WASF1: variants seen among roughly 807,000 people sequenced by gnomAD.
WASF1 encodes the protein WASP family member 1.
In WASF1, 7 loss-of-function variants were observed where a neutral mutation model predicts 50.5. That is an observed-to-expected ratio of 0.14 (90% CI 0.08 to 0.26). WASF1 has a LOEUF of 0.26. Ranked by LOEUF, WASF1 falls within the 10% of genes least tolerant of loss-of-function variation. The pLI, the probability that WASF1 is intolerant of heterozygous loss-of-function variation, is 1.00. For missense variants in WASF1, 470 were observed against 694.7 expected (o/e 0.68, Z 3.64); for synonymous variants, 205 against 244.0 (o/e 0.84, Z 1.49).
chr6:110,112,908 A>C (rs1005511272), intron 5 of WASF1, among the ~76,000 whole-genome samples: 2 of 129,140 alleles, frequency 1.5e-5, no homozygotes, highest in African/African-American at 3.4e-5. Context: ...AAAAAAAAAA[A>C]ACAAAAAAAA....
Position 110,144,540 on chromosome 6 carries a change from T to C in WASF1, c.-29+16095A>G, listed in dbSNP as rs999495217. 3.3e-5 allele frequency among the ~76,000 whole-genome samples: 5 copies of C among 152,252 alleles called. No individual in the cohort carries two copies. The East Asian group carries it at 5.8e-4, about 18-fold the overall frequency. Reference sequence around the variant, plus strand: ...GTTTTAGACATGAAGTCCTTGCCCATGCCTATGTCCTGAATGGATATGCCT... The same window carrying C: ...GTTTTAGACATGAAGTCCTTGCCCACGCCTATGTCCTGAATGGATATGCCT... On this transcript the variant is annotated intron_variant, in intron 3 of 10. Transcript: ENST00000392589.
rs765123920 is a variant in WASF1 at position 110,127,625 on chromosome 6, T to A, written c.-24A>T. The A allele has an allele frequency of 6.7e-7, 1 of 1,502,402 alleles. No individual in the cohort carries two copies. Among genetic ancestry groups the A allele is most frequent in the Non-Finnish European group, 8.9e-7 (1 of 1,126,634 alleles). 93.1% of individuals were successfully genotyped at this position (1,502,402 alleles called of 1,614,324 possible). ...ATCTTGAGATTAACCTTTGTGCCAG[T>A]TCACCTGTAGGAAATCAAAAATAAA... On this transcript the variant is annotated 5_prime_UTR_variant, in exon 4 of 11. Transcript: ENST00000392589.
At chr6:110,130,314 G>A (rs192324267) in intron 3 of WASF1, among the ~76,000 whole-genome samples, 38 of 152,130 alleles carry the variant, frequency 2.5e-4, no homozygotes, top group Non-Finnish European at 4.4e-4. Context: ...GCCAGAACCC[G>A]TCCACTTTGG....
intron 3 of WASF1, among the ~76,000 whole-genome samples, chr6:110,141,771 TC>T (rs1489487500): frequency 6.6e-6 from 1 of 151,154 alleles, no homozygotes; most frequent in Non-Finnish European, 1.5e-5. Context: ...CATACACTTA[TC>T]TTTTTTTTTT....
intron 2 of WASF1, among the ~76,000 whole-genome samples, chr6:110,169,487 G>A (rs969173151): frequency 2.6e-5 from 4 of 152,084 alleles, no homozygotes; most frequent in Admixed American, 6.6e-5. Context: ...TATGCAAATT[G>A]CTGGTAAAAC....
chr6:110,179,321 C>G (rs1463094876), intron 1 of WASF1, 118 bp downstream of exon 1: 2 of 152,310 alleles, frequency 1.3e-5, no homozygotes, highest in Non-Finnish European at 2.9e-5. Flanking sequence ...GCGCGCCCAT[C>G]CATCCCCGTC....
chr6:110,151,576 C>T (rs1397729249), intron 3 of WASF1, among the ~76,000 whole-genome samples: 2 of 152,158 alleles, frequency 1.3e-5, no homozygotes, highest in Non-Finnish European at 2.9e-5. Context: ...CACTTACATT[C>T]ATTCATCTCT....
chr6:110,121,267 A>C (rs1774106726), intron 4 of WASF1, among the ~76,000 whole-genome samples: 1 of 152,240 alleles, frequency 6.6e-6, no homozygotes, highest in African/African-American at 2.4e-5. Flanking sequence ...GAATGGGAGA[A>C]AATCCTTGCA....
Position 110,100,483 on chromosome 6 carries a change from T to C in WASF1, c.*39A>G, listed in dbSNP as rs1333747763. Reference sequence around the variant, plus strand: ...CAAGGAACAAGCACCACAAAGGACATTTGCATTCAGTTTTGTAATATTTAT... The same window carrying C: ...CAAGGAACAAGCACCACAAAGGACACTTGCATTCAGTTTTGTAATATTTAT... On this transcript the variant is annotated 3_prime_UTR_variant, in exon 11 of 11. Coordinates refer to ENST00000392589, the MANE Select transcript of WASF1 (RefSeq NM_003931.3). 6.4e-7 allele frequency: 1 copy of C among 1,563,538 alleles called. No individual in the cohort carries two copies. Among genetic ancestry groups the C allele is most frequent in the South Asian group, 1.2e-5 (1 of 85,470 alleles).
At chr6:110,150,377 G>A (rs923976941) in intron 3 of WASF1, among the ~76,000 whole-genome samples, 1 of 152,150 alleles carries the variant, frequency 6.6e-6, no homozygotes, top group African/African-American at 2.4e-5. Flanking sequence ...AGCTAAAGAG[G>A]TTAAAGGAAG....
intron 3 of WASF1, among the ~76,000 whole-genome samples, chr6:110,159,391 G>A (rs1046027125): frequency 2.8e-4 from 42 of 151,904 alleles, no homozygotes; most frequent in Admixed American, 5.9e-4. Flanking sequence ...CATTGATGTA[G>A]GGGATAACCG....
chr6:110,109,262 T>C (rs1216021189), intron 5 of WASF1, among the ~76,000 whole-genome samples: 6 of 152,204 alleles, frequency 3.9e-5, no homozygotes, highest in African/African-American at 1.4e-4. Flanking sequence ...ATCTGTACTA[T>C]AAGGATTTCT....
At chr6:110,161,325 G>A (rs190445673) in intron 2 of WASF1, among the ~76,000 whole-genome samples, 2 of 151,542 alleles carry the variant, frequency 1.3e-5, no homozygotes, top group East Asian at 2.0e-4. Flanking sequence ...GTTCTTAGGA[G>A]GGAGGAACTA....
Position 110,124,235 on chromosome 6 carries a change from CCT to C in WASF1, c.133+3232_133+3233del, listed in dbSNP as rs10684587. Among the ~76,000 whole-genome samples the C allele has an allele frequency of 5.6e-3, 62 of 11,014 alleles. 1 individual carries two copies. Among genetic ancestry groups the C allele is most frequent in the East Asian group, 0.016 (2 of 126 alleles). The allele number at this position is 11,014 out of a possible 152,430, so 7.2% of individuals were successfully genotyped here. A position where few individuals can be genotyped will look rare whatever the true frequency, so the allele number is the denominator to read the frequency against. On this transcript the variant is annotated intron_variant, in intron 4 of 10. Transcript: ENST00000392589. ...TCTCTCTCCTCTCTCTCCTCTCTCT[CCT>C]CTCTCTCTCTCTCTCTCTCTCTCTC... is the stretch of plus-strand genomic sequence containing the variant.
In WASF1 at chr6:110,101,841, C is replaced by CA; in HGVS notation, c.1268dup (p.Pro424AlafsTer60). 1 of 1,613,736 alleles carries CA rather than the reference C, an allele frequency of 6.2e-7. No homozygotes were observed. The highest frequency in any genetic ancestry group is 2.2e-5 in the East Asian group (1 of 44,860). On this transcript the variant is annotated frameshift_variant, in exon 10 of 11. Transcript: ENST00000392589. LOFTEE classifies it high-confidence loss of function. ...GAGGAGGCGGTGGTGGGGGTGGAGG[C>CA]AGCCCCTGAACTTCACCTTGTGGGA...
intron 3 of WASF1, among the ~76,000 whole-genome samples, chr6:110,129,202 C>G (rs1774551601): frequency 6.6e-6 from 1 of 152,192 alleles, no homozygotes; most frequent in African/African-American, 2.4e-5. Flanking sequence ...AAGCATGCAT[C>G]TGTTGCCTTC....
At chr6:110,109,990 A>G (rs886655072) in intron 5 of WASF1, among the ~76,000 whole-genome samples, 15 of 152,294 alleles carry the variant, frequency 9.8e-5, no homozygotes, top group Non-Finnish European at 1.5e-4. Context: ...GTGGCACCAT[A>G]ATTCCATTTC....
intron 3 of WASF1, among the ~76,000 whole-genome samples, chr6:110,149,044 A>G (rs943505161): frequency 9.9e-5 from 15 of 152,218 alleles, no homozygotes; most frequent in African/African-American, 3.6e-4. Flanking sequence ...GATTAGGAAA[A>G]GACTTATGAC....
At chr6:110,162,228 C>T (rs1469761715) in intron 2 of WASF1, among the ~76,000 whole-genome samples, 1 of 151,312 alleles carries the variant, frequency 6.6e-6, no homozygotes, top group Non-Finnish European at 1.5e-5. Context: ...TTCTCCTCTC[C>T]TACTGTTTGG....
Sources: gnomAD v4.1 joint callset for allele counts (sites outside exome capture counted in the v4.1 genomes callset) on GRCh38, gnomAD v4.1.1 for gene constraint, MANE v1.5 for transcripts, NCBI Gene and HGNC (gene_info 2026-07-23, HGNC 2026-07-21) for gene names.